The following ANKMY1 variants were observed in gnomAD, a reference collection of about 807,000 sequenced individuals.
ANKMY1 encodes the protein ankyrin repeat and MYND domain containing 1.
Under a neutral mutation model 102.0 loss-of-function variants are expected in ANKMY1, and 98 were observed. The ratio of observed to expected loss-of-function variants is 0.96; its 90% confidence interval spans 0.82 to 1.14. ANKMY1 has a LOEUF of 1.14. Ranked by LOEUF, ANKMY1 falls within the 50% of genes most tolerant of loss-of-function variation. The pLI, the probability that ANKMY1 is intolerant of heterozygous loss-of-function variation, is 0.00. For synonymous variants in ANKMY1, 582 were observed against 559.9 expected (o/e 1.04, Z -0.56); for missense variants, 1,330 against 1,347.6 (o/e 0.99, Z 0.20).
At chr2:240,521,363 T>C (rs1030410105) in intron 8 of ANKMY1, among the ~76,000 whole-genome samples, 1 of 152,088 alleles carries the variant, frequency 6.6e-6, no homozygotes, top group African/African-American at 2.4e-5. Flanking sequence ...GGGTGCTGGC[T>C]CTCCTTGTCT....
rs150953451 is a variant in ANKMY1 at position 240,529,164 on chromosome 2, G to A, written c.826C>T (p.Arg276Cys). 142 of 1,614,172 alleles carry A rather than the reference G, an allele frequency of 8.8e-5. No individual in the cohort carries two copies. Among genetic ancestry groups the A allele is most frequent in the East Asian group, 3.1e-4 (14 of 44,864 alleles). ...AAGATGCGGGCGTCCAGCTCTTTGC[G>A]GAAAGAGCTTGTCATGGGCAGGTGG... ...SDHLPMTSSF[R>C]KELDARIFLN... The change falls in exon 5 of 18, where the codon CGC (arginine) becomes TGC (cysteine). Residue 276 changes from arginine to cysteine, a missense_variant. Physicochemically the swap from Arg to Cys is radical, Grantham distance 180. Coordinates refer to ENST00000401804, the MANE Select transcript of ANKMY1 (RefSeq NM_001282771.3). This position sits in a 1 kb window ranked among gnomAD's most constrained non-coding sequence, Gnocchi z 4.2.
Position 240,552,946 on chromosome 2 carries a change from C to A in ANKMY1, c.448G>T (p.Gly150Cys), listed in dbSNP as rs192205980. The A allele has an allele frequency of 3.7e-6, 6 of 1,613,824 alleles. No homozygotes were observed. The highest frequency in any genetic ancestry group is 5.1e-6 in the Non-Finnish European group (6 of 1,179,882). The change falls in exon 4 of 18, where the codon GGC (glycine) becomes TGC (cysteine). Residue 150 changes from glycine (G) to cysteine (C), a missense_variant. By Grantham distance (159) the Gly-to-Cys change is radical (BLOSUM62 -3). Transcript: ENST00000401804. ...TFYLSHREGY[G>C]TMYMKTRLFQ... is the part of the protein sequence containing the mutation. The stretch of plus-strand genomic sequence containing the variant: ...AGCCGTGTCTTCATGTACATGGTGC[C>A]GTAGCCTTCTCGGTGGCTGAGGTAA...
chr2:240,549,832 G>A (rs540508645), intron 4 of ANKMY1, among the ~76,000 whole-genome samples: 2 of 152,226 alleles, frequency 1.3e-5, no homozygotes, highest in Non-Finnish European at 2.9e-5. Flanking sequence ...TCTCACACCA[G>A]TTAGAATGGC....
At position 240,557,352 on chromosome 2, in the gene ANKMY1, C is replaced by A. The variant is rs747793546; in HGVS notation, c.-17G>T. The A allele has an allele frequency of 2.6e-6, 4 of 1,511,614 alleles. No individual in the cohort carries two copies. 93.6% of individuals were successfully genotyped at this position (1,511,614 alleles called of 1,614,324 possible). Reference sequence around the variant, plus strand: ...CCCTTCCATGTCTGTGGTCTTCCAACCTGCAAGCGACGTCAGGACCGCACA... The same window carrying A: ...CCCTTCCATGTCTGTGGTCTTCCAAACTGCAAGCGACGTCAGGACCGCACA... On this transcript the variant is annotated splice_region_variant and 5_prime_UTR_variant, in exon 2 of 18. Coordinates refer to ENST00000401804, the MANE Select transcript of ANKMY1 (RefSeq NM_001282771.3).
chr2:240,560,778 C>G (rs752233645), upstream of ANKMY1: 7 of 1,454,214 alleles, frequency 4.8e-6, no homozygotes, highest in Admixed American at 5.4e-5. Flanking sequence ...CGGGAGCGCG[C>G]GAGCCGCGGG....
At chr2:240,528,116 G>A (rs1033762061) in intron 5 of ANKMY1, among the ~76,000 whole-genome samples, 13 of 152,012 alleles carry the variant, frequency 8.6e-5, no homozygotes, top group South Asian at 4.1e-4. Flanking sequence ...GTGAAACCCC[G>A]TCTCTACTAA....
intron 13 of ANKMY1, among the ~76,000 whole-genome samples, chr2:240,502,843 T>C (rs2078436307): frequency 7.6e-6 from 1 of 132,256 alleles, no homozygotes; most frequent in East Asian, 2.5e-4. Flanking sequence ...AGCCCCCACA[T>C]CTGAACTATG....
At chr2:240,480,238 C>T (rs2075206350) in intron 17 of ANKMY1, among the ~76,000 whole-genome samples, 1 of 152,174 alleles carries the variant, frequency 6.6e-6, no homozygotes, top group African/African-American at 2.4e-5. Context: ...AGGAGGTCAG[C>T]AGCCATTCAC....
chr2:240,488,742 G>T (rs571674784), intron 15 of ANKMY1, among the ~76,000 whole-genome samples: 2 of 152,198 alleles, frequency 1.3e-5, no homozygotes, highest in African/African-American at 4.8e-5. Flanking sequence ...AAATGTGATT[G>T]CCTTCCTGAT....
chr2:240,486,716 G>A (rs1239397321), intron 15 of ANKMY1, among the ~76,000 whole-genome samples: 1 of 152,116 alleles, frequency 6.6e-6, no homozygotes, highest in Non-Finnish European at 1.5e-5. Context: ...GTCTCACCAT[G>A]TTGCCCAGGC....
chr2:240,524,710 G>A (rs1344321642), intron 7 of ANKMY1, among the ~76,000 whole-genome samples: 1 of 152,222 alleles, frequency 6.6e-6, no homozygotes, highest in Non-Finnish European at 1.5e-5. Context: ...CCTTAATGAT[G>A]CTGCTTATAT....
At chr2:240,541,680 T>C (rs1315518772) in intron 4 of ANKMY1, among the ~76,000 whole-genome samples, 1 of 151,978 alleles carries the variant, frequency 6.6e-6, no homozygotes, top group East Asian at 1.9e-4. Flanking sequence ...TTTTTTGTAT[T>C]TTTAGTAGAG....
intron 15 of ANKMY1, among the ~76,000 whole-genome samples, chr2:240,490,836 T>C (rs2076562104): frequency 6.6e-6 from 1 of 152,212 alleles, no homozygotes; most frequent in African/African-American, 2.4e-5. Context: ...TAAATGTCTG[T>C]GACGTCCATT....
the ANKMY1 span, among the ~76,000 whole-genome samples, chr2:240,473,256 C>G: frequency 2.0e-5 from 3 of 148,730 alleles, no homozygotes; most frequent in African/African-American, 5.0e-5. Flanking sequence ...CAATAACATG[C>G]GAGATAACTG....
At chr2:240,560,994 A>G, upstream of ANKMY1, 1 of 1,543,552 alleles carries the variant, frequency 6.5e-7, no homozygotes, top group Non-Finnish European at 8.6e-7. Flanking sequence ...AGTCTACTGC[A>G]AGAACGGCCG....
chr2:240,560,403 C>T, upstream of ANKMY1: 1 of 299,340 alleles, frequency 3.3e-6, no homozygotes, highest in Non-Finnish European at 6.0e-6. Context: ...GGGAGGACGG[C>T]GCCCGGGGAC....
At chr2:240,481,394 C>T (rs948760686) in intron 16 of ANKMY1, among the ~76,000 whole-genome samples, 11 of 152,304 alleles carry the variant, frequency 7.2e-5, no homozygotes, top group South Asian at 2.1e-4. Context: ...AGGAGACCGC[C>T]GTGGGGCCAC....
chr2:240,480,859 C>A, intron 17 of ANKMY1, 78 bp downstream of exon 17: 1 of 1,506,868 alleles, frequency 6.6e-7, no homozygotes, highest in South Asian at 1.3e-5. Context: ...GAGGGTGCCC[C>A]TCACCAGCAC....
chr2:240,513,263 G>T (rs2080588133), intron 9 of ANKMY1, among the ~76,000 whole-genome samples: 1 of 152,292 alleles, frequency 6.6e-6, no homozygotes, highest in East Asian at 1.9e-4. Flanking sequence ...GCCTCTCCCT[G>T]CCCTGCCAGG....
Sources: allele counts gnomAD v4.1 joint callset (sites outside exome capture counted in the v4.1 genomes callset), GRCh38; gene constraint gnomAD v4.1.1; non-coding constraint Gnocchi (gnomAD v3.1); transcripts MANE v1.5; gene names NCBI Gene and HGNC (gene_info 2026-07-23, HGNC 2026-07-21).